Variants in MAF observed in about 807,000 individuals in gnomAD.
MAF encodes MAF bZIP transcription factor.
In MAF, 10 loss-of-function variants were observed where a neutral mutation model predicts 22.0. That is an observed-to-expected ratio of 0.45 (90% CI 0.28 to 0.77). MAF has a LOEUF of 0.77. MAF is among the 30% of genes least tolerant of loss of function. The pLI is 0.12. For synonymous variants in MAF, 337 were observed against 255.8 expected (o/e 1.32, Z -3.03); for missense variants, 544 against 548.4 (o/e 0.99, Z 0.08).
chr16:79,230,717 C>T, the MAF span, among the ~76,000 whole-genome samples: 2 of 152,078 alleles, frequency 1.3e-5, no homozygotes, highest in African/African-American at 2.4e-5. Flanking sequence ...ATTCCATTTT[C>T]GCATGATGGA....
the MAF span, among the ~76,000 whole-genome samples, chr16:79,285,771 C>T: frequency 6.6e-6 from 1 of 152,182 alleles, no homozygotes; most frequent in African/African-American, 2.4e-5. Context: ...TGCAGGAAGG[C>T]GGGAGGTGAC....
chr16:79,334,240 C>T, the MAF span, among the ~76,000 whole-genome samples: 13 of 152,304 alleles, frequency 8.5e-5, no homozygotes, highest in Admixed American at 6.5e-4. Context: ...GGGCTGCAGT[C>T]GTGCAATGGA....
chr16:79,482,865 TC>T, the MAF span, among the ~76,000 whole-genome samples: 4 of 30,848 alleles, frequency 1.3e-4, no homozygotes, highest in Non-Finnish European at 2.6e-4. Flanking sequence ...CCTCCCTCCC[TC>T]CCTCTCCTCC....
the MAF span, among the ~76,000 whole-genome samples, chr16:79,389,433 T>C: frequency 6.6e-6 from 1 of 152,116 alleles, no homozygotes; most frequent in Non-Finnish European, 1.5e-5. Context: ...ATGTTTTGTA[T>C]TTTTAGTAGA....
At chr16:79,283,149 A>G in the MAF span, among the ~76,000 whole-genome samples, 2 of 152,182 alleles carry the variant, frequency 1.3e-5, no homozygotes, top group Non-Finnish European at 2.9e-5. Flanking sequence ...AATGTCCTTC[A>G]CATATTTATG....
chr16:79,281,044 A>G, the MAF span, among the ~76,000 whole-genome samples: 14 of 152,270 alleles, frequency 9.2e-5, no homozygotes, highest in African/African-American at 2.9e-4. Context: ...AGACAGGGAG[A>G]AAAAGAGACA....
chr16:79,512,252 C>A, the MAF span, among the ~76,000 whole-genome samples: 2 of 152,214 alleles, frequency 1.3e-5, no homozygotes, highest in East Asian at 3.8e-4. Flanking sequence ...GCCTCCCAGA[C>A]TCTTTATTTT....
At chr16:79,470,174 A>G in the MAF span, among the ~76,000 whole-genome samples, 1 of 152,220 alleles carries the variant, frequency 6.6e-6, no homozygotes, top group Non-Finnish European at 1.5e-5. Context: ...GTCCCAATAG[A>G]TCACATGAGC....
chr16:79,348,917 C>G, the MAF span, among the ~76,000 whole-genome samples: 1 of 152,162 alleles, frequency 6.6e-6, no homozygotes, highest in Non-Finnish European at 1.5e-5. Flanking sequence ...GCTGGTTGAC[C>G]TCAAGGCCCT....
chr16:79,489,386 A>C, the MAF span, among the ~76,000 whole-genome samples: 1 of 152,070 alleles, frequency 6.6e-6, no homozygotes, highest in African/African-American at 2.4e-5. Flanking sequence ...TTGTGTACTG[A>C]ATATGTGTTT....
the MAF span, among the ~76,000 whole-genome samples, chr16:79,291,360 G>A: frequency 1.3e-5 from 2 of 152,150 alleles, no homozygotes; most frequent in Non-Finnish European, 2.9e-5. Flanking sequence ...CAGGTGTCAT[G>A]TCACCTTGTT....
chr16:79,221,021 G>C, the MAF span, among the ~76,000 whole-genome samples: 1 of 152,188 alleles, frequency 6.6e-6, no homozygotes, highest in African/African-American at 2.4e-5. Flanking sequence ...GGCTGAATGC[G>C]GAAAGCAGAA....
chr16:79,238,277 G>A, the MAF span, among the ~76,000 whole-genome samples: 3 of 152,056 alleles, frequency 2.0e-5, no homozygotes, highest in African/African-American at 7.2e-5. Context: ...GCTGTCCCTG[G>A]TTGGAAAAGA....
At chr16:79,265,557 G>C in the MAF span, among the ~76,000 whole-genome samples, 8 of 152,086 alleles carry the variant, frequency 5.3e-5, no homozygotes, top group Admixed American at 2.6e-4. Context: ...TTTTTCCCTT[G>C]ACATACGTAC....
chr16:79,281,531 C>T, the MAF span, among the ~76,000 whole-genome samples: 1 of 149,922 alleles, frequency 6.7e-6, no homozygotes, highest in African/African-American at 2.5e-5. Flanking sequence ...CTTGAGAAAG[C>T]TCACTCTTTG....
the MAF span, among the ~76,000 whole-genome samples, chr16:79,404,971 C>T: frequency 1.3e-3 from 192 of 152,308 alleles, no homozygotes; most frequent in African/African-American, 4.5e-3. Flanking sequence ...ATTACAGATG[C>T]TGTTGGTTAG....
the MAF span, among the ~76,000 whole-genome samples, chr16:79,417,272 CACCGACATAA>C: frequency 1.3e-5 from 2 of 152,154 alleles, no homozygotes; most frequent in African/African-American, 4.8e-5. Flanking sequence ...TGGTGAACTA[CACCGACATAA>C]ACCTTTTATA....
At chr16:79,480,215 A>G in the MAF span, among the ~76,000 whole-genome samples, 1 of 152,276 alleles carries the variant, frequency 6.6e-6, no homozygotes, top group East Asian at 1.9e-4. Flanking sequence ...TTGAAAACCC[A>G]TGGCACACGG....
At chr16:79,495,309 T>G in the MAF span, among the ~76,000 whole-genome samples, 1 of 152,100 alleles carries the variant, frequency 6.6e-6, no homozygotes. Flanking sequence ...AAAAACATTT[T>G]TTTTTAAATG....
Sources: allele counts gnomAD v4.1 joint callset (sites outside exome capture counted in the v4.1 genomes callset), GRCh38; gene constraint gnomAD v4.1.1; transcripts MANE v1.5; gene names NCBI Gene and HGNC (gene_info 2026-07-23, HGNC 2026-07-21).